NAV3: variants seen among roughly 807,000 people sequenced by gnomAD.
NAV3 encodes pore membrane and/or filament interacting like protein 1.
In NAV3, 87 loss-of-function variants were observed where a neutral mutation model predicts 244.7. The ratio of observed to expected loss-of-function variants is 0.36; its 90% CI spans 0.30 to 0.42. The LOEUF (loss-of-function observed/expected upper bound fraction) is 0.42, where lower values mean the gene tolerates loss of function less well. Among genes scored for constraint, NAV3 ranks in the 20% least tolerant of loss-of-function variants. NAV3 has a pLI of 1.00. For synonymous variants in NAV3, 1,126 were observed against 1,042.2 expected, an observed-to-expected ratio of 1.08 and a Z score of -1.55; for missense variants, 2,663 against 2,893.3, an observed-to-expected ratio of 0.92 and a Z score of 1.83.
At chr12:77,650,817 A>G (rs566565940) in intron 2 of NAV3, among the ~76,000 whole-genome samples, 19 of 152,244 alleles carry the variant, frequency 1.2e-4, no homozygotes, top group African/African-American at 4.3e-4. Flanking sequence ...TATGAAGATC[A>G]TAGAGAAAGT....
At chr12:77,941,264 T>C (rs1889842982) in intron 3 of NAV3, 131 bp downstream of exon 3, 2 of 626,816 alleles carry the variant, frequency 3.2e-6, no homozygotes, top group South Asian at 4.4e-5. Context: ...CATTCTCTCA[T>C]ATGTATTTGT....
chr12:77,750,219 G>C (rs150097744), intron 2 of NAV3, among the ~76,000 whole-genome samples: 8 of 152,256 alleles, frequency 5.3e-5, no homozygotes, highest in East Asian at 3.9e-4. Context: ...CAGGCATGGT[G>C]GTGGGTGCCT....
chr12:77,853,027 T>G (rs1183935835), intron 1 of NAV3, among the ~76,000 whole-genome samples: 4 of 152,198 alleles, frequency 2.6e-5, no homozygotes, highest in African/African-American at 9.7e-5. Context: ...AGGCAAGACA[T>G]ATACTCAGCT....
chr12:78,109,007 C>T (rs1442172857), intron 12 of NAV3, among the ~76,000 whole-genome samples: 1 of 151,448 alleles, frequency 6.6e-6, no homozygotes, highest in African/African-American at 2.4e-5. Flanking sequence ...AAATGATTAA[C>T]AAAACTAAAA....
chr12:78,045,131 A>C (rs1158443797), intron 9 of NAV3, among the ~76,000 whole-genome samples: 2 of 152,154 alleles, frequency 1.3e-5, no homozygotes, highest in South Asian at 2.1e-4. Flanking sequence ...GAGAGTTCTT[A>C]GCATGAAGGG....
chr12:78,006,288 A>C (rs1874205121), intron 7 of NAV3, 131 bp from the exon 8 acceptor site: 13 of 819,106 alleles, frequency 1.6e-5, no homozygotes, highest in Non-Finnish European at 2.4e-5. Context: ...GAAGTGATTG[A>C]TGCTGCAGTC....
intron 2 of NAV3, among the ~76,000 whole-genome samples, chr12:77,791,475 GA>G (rs1289437467): frequency 2.0e-5 from 3 of 152,056 alleles, no homozygotes; most frequent in Non-Finnish European, 4.4e-5. Context: ...CAAGACCCGT[GA>G]TAAGATCCAA....
At position 77,831,915 on chromosome 12, in the gene NAV3, G is replaced by C. The variant is rs111882864; in HGVS notation, c.243+211G>C. On this transcript the variant is annotated intron_variant, in intron 1 of 39. Transcript: ENST00000397909. ...GTAAAAGTCATGATCAAAATTTTCT[G>C]AATATGCATCTATTGTAATCATTTA... Among the ~76,000 whole-genome samples the C allele has an allele frequency of 1.3e-3, 197 of 152,210 alleles. 1 individual carries two copies. Among genetic ancestry groups the C allele is most frequent in the African/African-American group, 4.6e-3 (190 of 41,542 alleles).
chr12:77,878,051 T>C (rs185159738), intron 1 of NAV3, among the ~76,000 whole-genome samples: 1 of 152,026 alleles, frequency 6.6e-6, no homozygotes. Flanking sequence ...CCCAAAGCTG[T>C]CAAGGTCATC....
At chr12:77,833,948 T>C (rs1398080828) in intron 1 of NAV3, among the ~76,000 whole-genome samples, 1 of 152,084 alleles carries the variant, frequency 6.6e-6, no homozygotes, top group African/African-American at 2.4e-5. Flanking sequence ...TGTCCTCTTC[T>C]GCTGGTGTGT....
chr12:78,089,454 T>A (rs553865159), intron 12 of NAV3, among the ~76,000 whole-genome samples: 1 of 152,164 alleles, frequency 6.6e-6, no homozygotes, highest in South Asian at 2.1e-4. Flanking sequence ...CAAAAACTAA[T>A]CTATAAAGCC....
Position 78,020,942 on chromosome 12 carries a change from G to T in NAV3, c.1908-805G>T, listed in dbSNP as rs569590134. ...CCTCGCCTCCTTCTGTGTCTTAGTA[G>T]TTCATGCCGTGAACATTTAAAATGT... On this transcript the variant is annotated intron_variant, in intron 8 of 39. Coordinates refer to ENST00000397909, the MANE Select transcript of NAV3 (RefSeq NM_001024383.2). Among the ~76,000 whole-genome samples, 198 of 152,204 alleles carry T rather than the reference G, an allele frequency of 1.3e-3. 1 individual carries two copies. The highest frequency in any genetic ancestry group is 2.3e-3 in the Non-Finnish European group (154 of 67,998).
chr12:78,042,103 G>A (rs1880965081), intron 9 of NAV3, among the ~76,000 whole-genome samples: 1 of 151,968 alleles, frequency 6.6e-6, no homozygotes, highest in African/African-American at 2.4e-5. Flanking sequence ...CCCATCATTA[G>A]ACATCCTCTT....
chr12:77,966,852 A>C (rs1892567889), intron 4 of NAV3, among the ~76,000 whole-genome samples: 1 of 152,126 alleles, frequency 6.6e-6, no homozygotes, highest in Non-Finnish European at 1.5e-5. Flanking sequence ...AAATTGAAAG[A>C]GAGCAAAATG....
intron 2 of NAV3, among the ~76,000 whole-genome samples, chr12:77,614,515 A>G (rs933646390): frequency 6.6e-6 from 1 of 152,166 alleles, no homozygotes; most frequent in Non-Finnish European, 1.5e-5. Flanking sequence ...TAAATCGTTT[A>G]TTCTTTGAAA....
intron 2 of NAV3, among the ~76,000 whole-genome samples, chr12:77,605,842 G>GAA (rs34707696): frequency 2.9e-5 from 4 of 139,720 alleles, no homozygotes; most frequent in Non-Finnish European, 4.7e-5. Flanking sequence ...TCCGTCTCAA[G>GAA]AAAAAAAAAA....
intron 2 of NAV3, among the ~76,000 whole-genome samples, chr12:77,765,590 A>G (rs1169380464): frequency 6.6e-6 from 1 of 152,228 alleles, no homozygotes; most frequent in Admixed American, 6.5e-5. Flanking sequence ...AATGAAAGAA[A>G]GAACATGAAC....
At chr12:77,926,660 T>C (rs1159989041) in intron 1 of NAV3, among the ~76,000 whole-genome samples, 1 of 152,210 alleles carries the variant, frequency 6.6e-6, no homozygotes, top group Non-Finnish European at 1.5e-5. Flanking sequence ...ATTAACACAG[T>C]TCAGAATCAC....
At chr12:77,961,062 T>C (rs887408138) in intron 3 of NAV3, among the ~76,000 whole-genome samples, 2 of 146,338 alleles carry the variant, frequency 1.4e-5, no homozygotes, top group African/African-American at 4.9e-5. Flanking sequence ...ATGTTGCATG[T>C]ATACGCATAT....
Sources: gnomAD v4.1 joint callset for allele counts (sites outside exome capture counted in the v4.1 genomes callset) on GRCh38, gnomAD v4.1.1 for gene constraint, MANE v1.5 for transcripts, NCBI Gene and HGNC (gene_info 2026-07-23, HGNC 2026-07-21) for gene names.